The following RBMS3 variants were observed in gnomAD, a reference collection of about 807,000 sequenced individuals.
RBMS3 encodes RNA binding motif single stranded interacting protein 3.
In RBMS3, 27 loss-of-function variants were observed where a neutral mutation model predicts 66.8. That is an observed-to-expected ratio of 0.40 (90% CI 0.30 to 0.56). The LOEUF (loss-of-function observed/expected upper bound fraction) is 0.56, where lower values mean the gene tolerates loss of function less well. RBMS3 is among the 20% of genes least tolerant of loss of function. The pLI, the probability that RBMS3 is intolerant of heterozygous loss-of-function variation, is 0.40. For missense variants in RBMS3, 513 were observed against 549.5 expected (o/e 0.93, Z 0.66); for synonymous variants, 188 against 183.0 (o/e 1.03, Z -0.22).
chr3:29,984,618 G>T (rs953962866), intron 12 of RBMS3, among the ~76,000 whole-genome samples: 1 of 151,972 alleles, frequency 6.6e-6, no homozygotes, highest in Non-Finnish European at 1.5e-5. Flanking sequence ...CCTTTTTGTT[G>T]ATGTTGACGC....
chr3:29,853,920 G>C (rs184816133), intron 6 of RBMS3, among the ~76,000 whole-genome samples: 54 of 152,260 alleles, frequency 3.5e-4, no homozygotes, highest in African/African-American at 1.3e-3. Context: ...TCAAAGCCCA[G>C]GGCAGAAGCA....
intron 12 of RBMS3, among the ~76,000 whole-genome samples, chr3:29,983,836 C>G (rs1050845290): frequency 1.4e-5 from 2 of 143,920 alleles, no homozygotes; most frequent in African/African-American, 4.9e-5. Context: ...TTCTGGCTGC[C>G]CTTAACATTT....
At chr3:29,666,666 GTTAATA>G (rs1180337339) in intron 4 of RBMS3, among the ~76,000 whole-genome samples, 51 of 152,018 alleles carry the variant, frequency 3.4e-4, no homozygotes, top group Non-Finnish European at 1.0e-4. Flanking sequence ...ATTCTATTAA[GTTAATA>G]TTAATATAAT....
At chr3:29,500,919 G>A (rs778748889) in intron 3 of RBMS3, among the ~76,000 whole-genome samples, 1 of 151,872 alleles carries the variant, frequency 6.6e-6, no homozygotes, top group Non-Finnish European at 1.5e-5. Flanking sequence ...TTTAAAAATT[G>A]TTATATAAAG....
chr3:29,738,975 A>G (rs1458506320), intron 4 of RBMS3, among the ~76,000 whole-genome samples: 1 of 152,172 alleles, frequency 6.6e-6, no homozygotes, highest in African/African-American at 2.4e-5. Flanking sequence ...AATTATATCT[A>G]TTAAGAATAT....
At chr3:29,863,086 T>C (rs990271113) in intron 6 of RBMS3, among the ~76,000 whole-genome samples, 4 of 152,138 alleles carry the variant, frequency 2.6e-5, no homozygotes, top group Non-Finnish European at 5.9e-5. Flanking sequence ...TATTTCTCTT[T>C]AGGAAATTAA....
At chr3:29,649,317 C>G in intron 4 of RBMS3, among the ~76,000 whole-genome samples, 1 of 152,138 alleles carries the variant, frequency 6.6e-6, no homozygotes, top group Non-Finnish European at 1.5e-5. Context: ...CTCTGGGGCA[C>G]AATTTCCATT....
intron 4 of RBMS3, among the ~76,000 whole-genome samples, chr3:29,656,277 A>G (rs1004754747): frequency 6.6e-6 from 1 of 152,186 alleles, no homozygotes; most frequent in African/African-American, 2.4e-5. Context: ...ATTCATGTAC[A>G]TCATTTCAAA....
At chr3:29,957,239 G>T (rs1453724512) in intron 12 of RBMS3, among the ~76,000 whole-genome samples, 2 of 151,976 alleles carry the variant, frequency 1.3e-5, no homozygotes, top group Non-Finnish European at 2.9e-5. Context: ...TAGAGTAAAG[G>T]CTATAAACTC....
intron 1 of RBMS3, among the ~76,000 whole-genome samples, chr3:29,328,714 C>G (rs4680820): frequency 0.96 from 145,461 of 152,186 alleles, 69,577 homozygotes; most frequent in Non-Finnish European, 0.97. Context: ...CCCTGACCTC[C>G]ATTGGGTTAG....
At chr3:29,507,838 G>T (rs1292442025) in intron 3 of RBMS3, among the ~76,000 whole-genome samples, 2 of 152,020 alleles carry the variant, frequency 1.3e-5, no homozygotes, top group Non-Finnish European at 2.9e-5. Context: ...GTGATTACAA[G>T]GGTTCTTGTG....
At chr3:29,754,016 G>C (rs182757960) in intron 5 of RBMS3, among the ~76,000 whole-genome samples, 1 of 151,408 alleles carries the variant, frequency 6.6e-6, no homozygotes, top group African/African-American at 2.4e-5. Flanking sequence ...ACAGTGCAGT[G>C]GCACGATTTT....
intron 6 of RBMS3, among the ~76,000 whole-genome samples, chr3:29,780,645 A>G (rs1197897347): frequency 1.3e-5 from 2 of 152,164 alleles, no homozygotes; most frequent in Non-Finnish European, 2.9e-5. Flanking sequence ...CCAGTATCCT[A>G]TCTGCACTTA....
intron 3 of RBMS3, among the ~76,000 whole-genome samples, chr3:29,514,665 A>ATATATATG (rs1553614291): frequency 1.5e-4 from 22 of 143,802 alleles, no homozygotes; most frequent in African/African-American, 4.7e-4. Flanking sequence ...ATATATATAT[A>ATATATATG]TATATATATA....
chr3:29,525,443 C>T (rs537753661), intron 3 of RBMS3, among the ~76,000 whole-genome samples: 4 of 152,322 alleles, frequency 2.6e-5, no homozygotes, highest in Admixed American at 2.0e-4. Context: ...GACCGAGTGA[C>T]ATCCCTTCAG....
chr3:29,589,742 A>T (rs2047660880), intron 4 of RBMS3, among the ~76,000 whole-genome samples: 1 of 152,066 alleles, frequency 6.6e-6, no homozygotes, highest in South Asian at 2.1e-4. Context: ...AACTTGCACT[A>T]TATTTTTGGC....
At chr3:29,587,584 T>C (rs969619859) in intron 4 of RBMS3, among the ~76,000 whole-genome samples, 1 of 151,756 alleles carries the variant, frequency 6.6e-6, no homozygotes, top group African/African-American at 2.4e-5. Context: ...GTCTTGGACT[T>C]CTACTGGTAA....
At chr3:29,839,547 C>G (rs1026230107) in intron 6 of RBMS3, among the ~76,000 whole-genome samples, 5 of 151,030 alleles carry the variant, frequency 3.3e-5, no homozygotes, top group African/African-American at 1.2e-4. Context: ...AAAGATAGAA[C>G]TGGAATTTGA....
chr3:29,551,198 C>T (rs1424116231), intron 3 of RBMS3, among the ~76,000 whole-genome samples: 1 of 152,124 alleles, frequency 6.6e-6, no homozygotes, highest in Non-Finnish European at 1.5e-5. Flanking sequence ...ATGAAGTGAA[C>T]ATTTTTCTGA....
Sources: gnomAD v4.1 joint callset for allele counts (sites outside exome capture counted in the v4.1 genomes callset) on GRCh38, gnomAD v4.1.1 for gene constraint, MANE v1.5 for transcripts, NCBI Gene and HGNC (gene_info 2026-07-23, HGNC 2026-07-21) for gene names.